The following MRRF variants were observed in gnomAD, a reference collection of about 807,000 sequenced individuals.
MRRF encodes mitochondrial ribosome recycling factor, also known as ribosome-recycling factor, mitochondrial.
MRRF carries 18 observed loss-of-function variants against 25.1 expected under a neutral mutation model. That is an observed-to-expected ratio of 0.72 (90% CI 0.50 to 1.06). The LOEUF (loss-of-function observed/expected upper bound fraction) is 1.06. MRRF is among the 50% of genes least tolerant of loss of function. MRRF has a pLI of 0.00. For synonymous variants in MRRF, 113 were observed against 112.1 expected (o/e 1.01, Z -0.05); for missense variants, 323 against 319.3 (o/e 1.01, Z -0.09).
intron 6 of MRRF, among the ~76,000 whole-genome samples, chr9:122,322,162 C>T (rs1835929154): frequency 6.6e-6 from 1 of 152,068 alleles, no homozygotes; most frequent in Admixed American, 6.5e-5. Context: ...AGATTGAGAC[C>T]ATTCTGGTGA....
chr9:122,310,579 A>G lies in MRRF; in HGVS notation c.552-2648A>G, dbSNP rs1297342853. 2.0e-5 allele frequency among the ~76,000 whole-genome samples: 3 copies of G among 152,364 alleles called. No individual in the cohort carries two copies. In the East Asian group the frequency reaches 5.8e-4, roughly 29 times the overall value. On this transcript the variant is annotated intron_variant, in intron 5 of 6. Transcript: ENST00000344641. Reference sequence around the variant, plus strand: ...TCTGTATGCTCCTTCCGCAGTAGATACTAGCAACAGTCATCCTCTTTCTAC... The same window carrying G: ...TCTGTATGCTCCTTCCGCAGTAGATGCTAGCAACAGTCATCCTCTTTCTAC...
intron 2 of MRRF, among the ~76,000 whole-genome samples, chr9:122,276,812 G>A (rs1417128218): frequency 6.6e-6 from 1 of 152,022 alleles, no homozygotes; most frequent in Non-Finnish European, 1.5e-5. Context: ...TTACTTATCG[G>A]TTATCAAGGA....
At chr9:122,302,344 A>C (rs1834526159) in intron 5 of MRRF, among the ~76,000 whole-genome samples, 1 of 152,278 alleles carries the variant, frequency 6.6e-6, no homozygotes, top group African/African-American at 2.4e-5. Flanking sequence ...GTCACTCCTG[A>C]CTTTGACCGC....
chr9:122,311,167 A>G (rs1835180809), intron 5 of MRRF, among the ~76,000 whole-genome samples: 2 of 152,192 alleles, frequency 1.3e-5, no homozygotes, highest in African/African-American at 2.4e-5. Flanking sequence ...CTTCTGAGCA[A>G]TAGATACAGG....
chr9:122,280,577 CTCAA>C lies in MRRF; in HGVS notation c.321_324del (p.Asn108Ter). 6.2e-7 allele frequency: 1 copy of C among 1,613,950 alleles called. No homozygotes were observed. The highest frequency in any genetic ancestry group is 1.1e-5 in the South Asian group (1 of 91,070). ...TCTCAAGGATAATTTCAATAAGACT[CTCAA>C]TATAAGGACCTCACCAGGTTAGTGA... On this transcript the variant is annotated frameshift_variant, in exon 3 of 7. Coordinates refer to ENST00000344641, the MANE Select transcript of MRRF (RefSeq NM_138777.5). LOFTEE classifies it high-confidence loss of function.
At chr9:122,306,733 G>T (rs1406362204) in intron 5 of MRRF, among the ~76,000 whole-genome samples, 1 of 152,200 alleles carries the variant, frequency 6.6e-6, no homozygotes, top group Non-Finnish European at 1.5e-5. Context: ...CAAAACTTGG[G>T]TTTCCATCCT....
chr9:122,311,170 G>C (rs1564510056), intron 5 of MRRF, among the ~76,000 whole-genome samples: 1 of 152,154 alleles, frequency 6.6e-6, no homozygotes, highest in Non-Finnish European at 1.5e-5. Context: ...CTGAGCAATA[G>C]ATACAGGTAT....
Position 122,327,211 on chromosome 9 carries a change from AAT to A in MRRF, c.*4597_*4598del, listed in dbSNP as rs1346155623. ...CCACCTGTTTGGCCAACTTCTCTAG[AAT>A]ATGTCAGAGAGCAAGCAAAATGTTC... On this transcript the variant is annotated 3_prime_UTR_variant, in exon 7 of 7. Transcript: ENST00000344641. The A allele has an allele frequency of 6.6e-6, 1 of 152,214 alleles. No homozygotes were observed. Among genetic ancestry groups the A allele is most frequent in the African/African-American group, 2.4e-5 (1 of 41,444 alleles). 9.4% of individuals were successfully genotyped at this position (152,214 alleles called of 1,614,324 possible).
rs531228882 is a variant in MRRF, at chr9:122,321,541, G to A, written c.712-999G>A. On this transcript the variant is annotated intron_variant, in intron 6 of 6. Transcript: ENST00000344641. ...AGTTGAGAGATTTTGGGGTTAAATG[G>A]TATGAACATTTGCATCAATTTGAAT... Among the ~76,000 whole-genome samples, 9 of 152,250 alleles carry A rather than the reference G, an allele frequency of 5.9e-5. No homozygotes were observed. In the East Asian group the frequency reaches 1.7e-3, roughly 29 times the overall value.
intron 5 of MRRF, among the ~76,000 whole-genome samples, chr9:122,297,374 C>T (rs1834156784): frequency 1.3e-5 from 2 of 152,030 alleles, no homozygotes; most frequent in South Asian, 4.1e-4. Context: ...CCTTGATTTT[C>T]TAGATTTTTT....
intron 6 of MRRF, among the ~76,000 whole-genome samples, chr9:122,317,084 AT>A (rs1170995680): frequency 2.7e-5 from 4 of 150,244 alleles, no homozygotes; most frequent in African/African-American, 7.4e-5. Context: ...ATATATATAT[AT>A]ATAAATCTTT....
chr9:122,285,892 C>T (rs532797722), intron 4 of MRRF: 1 of 1,291,538 alleles, frequency 7.7e-7, no homozygotes, highest in Non-Finnish European at 1.0e-6. Context: ...TCCTTTTATA[C>T]TAGACTGACC....
chr9:122,300,378 C>T (rs1936772664), intron 5 of MRRF, among the ~76,000 whole-genome samples: 1 of 152,142 alleles, frequency 6.6e-6, no homozygotes, highest in Admixed American at 6.5e-5. Flanking sequence ...TGAACTTGGG[C>T]AAGTTGCTTA....
intron 3 of MRRF, among the ~76,000 whole-genome samples, chr9:122,282,071 G>A (rs72769715): frequency 0.017 from 2,582 of 152,242 alleles, 32 homozygotes; most frequent in Middle Eastern, 0.048. Flanking sequence ...TTTCTCTTCA[G>A]GATTATGTTT....
rs1173916892 is a variant in MRRF at position 122,300,576 on chromosome 9, ATGTCCT to A, written c.551+8738_551+8743del. On this transcript the variant is annotated intron_variant, in intron 5 of 6. Coordinates refer to ENST00000344641, the MANE Select transcript of MRRF (RefSeq NM_138777.5). ...CCTCCTGGTTAAGGAGTTCTTGGAA[ATGTCCT>A]TTTCCTGATTATTTGGGAGTAAAAC... is the stretch of plus-strand genomic sequence containing the variant. 3.9e-5 allele frequency among the ~76,000 whole-genome samples: 6 copies of A among 152,296 alleles called. No individual in the cohort carries two copies. The East Asian group carries it at 1.2e-3, about 29-fold the overall frequency.
intron 5 of MRRF, among the ~76,000 whole-genome samples, chr9:122,309,796 T>C (rs1352763203): frequency 3.9e-5 from 6 of 152,220 alleles, no homozygotes; most frequent in African/African-American, 1.4e-4. Context: ...AGCTATAGAT[T>C]GAATGAATGA....
chr9:122,294,725 C>T (rs1015434918), intron 5 of MRRF, among the ~76,000 whole-genome samples: 92 of 152,186 alleles, frequency 6.0e-4, no homozygotes, highest in Non-Finnish European at 1.2e-3. Context: ...CTGGGCACAG[C>T]GCCCTAGTTG....
intron 1 of MRRF, among the ~76,000 whole-genome samples, chr9:122,270,493 C>T (rs969740736): frequency 4.6e-5 from 7 of 152,198 alleles, no homozygotes. Flanking sequence ...TCTGCCTTCC[C>T]TCTTTAAACT....
intron 1 of MRRF, among the ~76,000 whole-genome samples, chr9:122,270,603 G>C (rs921218150): frequency 6.6e-6 from 1 of 152,222 alleles, no homozygotes; most frequent in Non-Finnish European, 1.5e-5. Context: ...TGGTGCAGTG[G>C]AAAGAGCTTG....
Sources: allele counts gnomAD v4.1 joint callset (sites outside exome capture counted in the v4.1 genomes callset), GRCh38; gene constraint gnomAD v4.1.1; transcripts MANE v1.5; gene names NCBI Gene and HGNC (gene_info 2026-07-23, HGNC 2026-07-21).